Variants in ATAD2B observed in about 807,000 individuals in gnomAD.
ATAD2B encodes the protein ATPase family AAA domain-containing protein 2B.
A neutral mutation model predicts 167.6 loss-of-function variants in ATAD2B; 40 were observed. The observed-to-expected ratio is 0.24, with a 90% CI of 0.19 to 0.31. The LOEUF is 0.31. Ranked by LOEUF, ATAD2B falls within the 10% of genes least tolerant of loss-of-function variation. ATAD2B has a pLI of 1.00. For missense variants in ATAD2B, 1,242 were observed against 1,757.2 expected (o/e 0.71, Z 5.24); for synonymous variants, 579 against 596.5 (o/e 0.97, Z 0.43).
chr2:23,744,343 A>C (rs1283671476), downstream of ATAD2B, among the ~76,000 whole-genome samples: 1 of 151,950 alleles, frequency 6.6e-6, no homozygotes, highest in Non-Finnish European at 1.5e-5. Flanking sequence ...TTTTTATAAC[A>C]AGCCTTCTAG....
At chr2:23,733,626 A>G in the ATAD2B span, among the ~76,000 whole-genome samples, 1 of 152,194 alleles carries the variant, frequency 6.6e-6, no homozygotes, top group Non-Finnish European at 1.5e-5. Context: ...TGTGTTCACT[A>G]CAGATTGGGT....
chr2:23,761,925 G>A (rs1265515514), intron 24 of ATAD2B, among the ~76,000 whole-genome samples: 2 of 152,048 alleles, frequency 1.3e-5, no homozygotes, highest in African/African-American at 4.8e-5. Context: ...AAATTCTACT[G>A]GCTCCACATG....
intron 18 of ATAD2B, among the ~76,000 whole-genome samples, chr2:23,804,448 T>C (rs1001029830): frequency 7.2e-5 from 11 of 152,218 alleles, no homozygotes; most frequent in Admixed American, 5.9e-4. Flanking sequence ...CAGAAGCTCT[T>C]AGGTATAAAC....
intron 22 of ATAD2B, among the ~76,000 whole-genome samples, chr2:23,768,216 A>G (rs972927668): frequency 2.6e-5 from 4 of 152,200 alleles, no homozygotes; most frequent in African/African-American, 9.6e-5. Flanking sequence ...GTAAGTACAC[A>G]TCCATAACAT....
At chr2:23,681,607 C>T in the ATAD2B span, among the ~76,000 whole-genome samples, 1 of 152,296 alleles carries the variant, frequency 6.6e-6, no homozygotes, top group East Asian at 1.9e-4. The surrounding 1 kb of genome is among the most constrained non-coding windows in gnomAD (Gnocchi z 4.2). Flanking sequence ...CAGCATGACA[C>T]CCAGGGGGCT....
At chr2:23,733,520 A>G in the ATAD2B span, among the ~76,000 whole-genome samples, 1 of 152,316 alleles carries the variant, frequency 6.6e-6, no homozygotes, top group South Asian at 2.1e-4. Context: ...ATTTATAGGT[A>G]GCTAACCTTA....
chr2:23,852,702 T>C (rs919588696), intron 13 of ATAD2B, among the ~76,000 whole-genome samples: 12 of 152,116 alleles, frequency 7.9e-5, no homozygotes, highest in South Asian at 2.1e-4. Context: ...GTGGATCACC[T>C]GAGGTCAGGC....
intron 7 of ATAD2B, among the ~76,000 whole-genome samples, chr2:23,876,301 T>A (rs911964031): frequency 6.7e-6 from 1 of 149,004 alleles, no homozygotes; most frequent in Non-Finnish European, 1.5e-5. Flanking sequence ...CCTGTTAACT[T>A]TTTTTTCTTT....
chr2:23,770,958 T>C (rs922232958), intron 22 of ATAD2B, among the ~76,000 whole-genome samples: 4 of 152,226 alleles, frequency 2.6e-5, no homozygotes, highest in Non-Finnish European at 5.9e-5. Context: ...AGTCTTCCAA[T>C]CCATAAGCCA....
chr2:23,697,675 A>G, the ATAD2B span: 82,272 of 152,102 alleles, frequency 0.54, 22,959 homozygotes, highest in East Asian at 0.79. Flanking sequence ...TCCCCCAAGT[A>G]GAGCCCAGAG....
In ATAD2B at chr2:23,758,092, C is replaced by G; in HGVS notation, c.3404G>C (p.Arg1135Pro). ...CTGTGATCTCCGCCTTGATTTTCTC[C>G]GAACCCGAACTGTTTTACAAGGAAG... is the stretch of plus-strand genomic sequence containing the variant. ...NSANKCAFRVRRKSRRRSQWG... is the reference protein window; with the variant it reads ...NSANKCAFRVPRKSRRRSQWG... The change falls in exon 25 of 28, where the codon CGG (arginine) becomes CCG (proline). Residue 1135 changes from arginine (R) to proline (P), a missense_variant. Coordinates refer to ENST00000238789, the MANE Select transcript of ATAD2B (RefSeq NM_017552.4). 1 of 1,564,718 alleles carries G rather than the reference C, an allele frequency of 6.4e-7. No individual in the cohort carries two copies. Among genetic ancestry groups the G allele is most frequent in the Non-Finnish European group, 8.6e-7 (1 of 1,166,224 alleles).
At chr2:23,834,954 C>T (rs139596095) in intron 13 of ATAD2B, among the ~76,000 whole-genome samples, 2 of 152,240 alleles carry the variant, frequency 1.3e-5, no homozygotes, top group South Asian at 2.1e-4. Context: ...AAAGACGATA[C>T]ACAAAACCAC....
In ATAD2B at chr2:23,762,214, C is replaced by A; in HGVS notation, c.3389G>T (p.Cys1130Phe). The part of the protein sequence containing the change: ...MDVWHNSANK[C>F]AFRVRRKSRR... ...ACATGAGCTGAAATACTCACATGCA[C>A]ATTTATTTGCAGAGTTGTGCCACAC... Residue 1130 changes from cysteine (C) to phenylalanine (F), a missense_variant, in exon 24 of 28, where the codon TGT (cysteine) becomes TTT (phenylalanine). Physicochemically the swap from Cys to Phe is radical, Grantham distance 205. Coordinates refer to ENST00000238789, the MANE Select transcript of ATAD2B (RefSeq NM_017552.4). 1 of 1,613,342 alleles carries A rather than the reference C, an allele frequency of 6.2e-7. No homozygotes were observed. Among genetic ancestry groups the A allele is most frequent in the Non-Finnish European group, 8.5e-7 (1 of 1,179,608 alleles).
At chr2:23,734,218 G>A in the ATAD2B span, among the ~76,000 whole-genome samples, 5 of 152,044 alleles carry the variant, frequency 3.3e-5, no homozygotes, top group Admixed American at 6.6e-5. Context: ...TTGCAGTGGC[G>A]CAATCTCAGC....
chr2:23,771,044 T>A (rs1678249348), intron 22 of ATAD2B, among the ~76,000 whole-genome samples: 1 of 152,256 alleles, frequency 6.6e-6, no homozygotes, highest in South Asian at 2.1e-4. Context: ...AAGTCTTACA[T>A]GCCTTTTGTC....
In ATAD2B at chr2:23,796,948, T is replaced by G. The variant is rs566120442; in HGVS notation, c.2640+1190A>C. On this transcript the variant is annotated intron_variant, in intron 19 of 27. Coordinates refer to ENST00000238789, the MANE Select transcript of ATAD2B (RefSeq NM_017552.4). ...AACTCTTGCTACATAAAGCATTCTA[T>G]TAAACTTTATTAGCCTCTATGATAA... is the stretch of plus-strand genomic sequence containing the variant. Among the ~76,000 whole-genome samples, 8 of 152,292 alleles carry G rather than the reference T, an allele frequency of 5.3e-5. No individual in the cohort carries two copies. The South Asian group carries it at 1.7e-3, about 32-fold the overall frequency.
At chr2:23,894,210 G>A (rs1345981680) in intron 2 of ATAD2B, among the ~76,000 whole-genome samples, 3 of 151,894 alleles carry the variant, frequency 2.0e-5, no homozygotes, top group South Asian at 2.1e-4. Context: ...GGCCAGGCAC[G>A]GTGGCTCGTG....
At chr2:23,755,011 T>A in intron 25 of ATAD2B, 1 of 360,044 alleles carries the variant, frequency 2.8e-6, no homozygotes, top group South Asian at 4.1e-5. Context: ...TACTAAAGTA[T>A]CACCTAATAA....
chr2:23,865,401 C>A (rs1221420547), intron 10 of ATAD2B, among the ~76,000 whole-genome samples: 1 of 151,822 alleles, frequency 6.6e-6, no homozygotes, highest in Non-Finnish European at 1.5e-5. Flanking sequence ...TGGTGGCGCA[C>A]GCCTGTAATC....
Sources: gnomAD v4.1 joint callset for allele counts (sites outside exome capture counted in the v4.1 genomes callset) on GRCh38, gnomAD v4.1.1 for gene constraint, Gnocchi (gnomAD v3.1) non-coding constraint, MANE v1.5 for transcripts, NCBI Gene and HGNC (gene_info 2026-07-23, HGNC 2026-07-21) for gene names.